Variants in EMSY observed in about 807,000 individuals in gnomAD.
EMSY encodes the protein EMSY transcriptional repressor, BRCA2 interacting.
EMSY carries 26 observed loss-of-function variants against 134.6 expected under a neutral mutation model. The ratio of observed to expected loss-of-function variants is 0.19; its 90% confidence interval spans 0.14 to 0.27. EMSY has a LOEUF of 0.27. Ranked by LOEUF, EMSY falls within the 10% of genes least tolerant of loss-of-function variation. The probability of loss-of-function intolerance (pLI) is 1.00; values close to 1 mark genes in which losing one functional copy is unlikely to be tolerated. For synonymous variants in EMSY, 579 were observed against 577.8 expected (o/e 1.00, Z -0.03); for missense variants, 1,305 against 1,611.4 (o/e 0.81, Z 3.26).
chr11:76,491,177 CTTT>C (rs61688457), intron 8 of EMSY, among the ~76,000 whole-genome samples: 7 of 129,908 alleles, frequency 5.4e-5, no homozygotes, highest in Non-Finnish European at 8.1e-5. Context: ...CTTCTTTTTT[CTTT>C]TTTTTTTTTT....
chr11:76,505,856 C>CAA (rs1297798671), intron 9 of EMSY, among the ~76,000 whole-genome samples: 6 of 135,812 alleles, frequency 4.4e-5, no homozygotes, highest in African/African-American at 1.6e-4. Flanking sequence ...GACTCTGTCT[C>CAA]AAAAAAAAAA....
chr11:76,461,654 G>A (rs758924082), intron 6 of EMSY, among the ~76,000 whole-genome samples: 11 of 152,206 alleles, frequency 7.2e-5, no homozygotes, highest in Admixed American at 1.3e-4. Context: ...GGCTGGAGCC[G>A]GGCTCAGTGG....
rs1951653557 is a variant in EMSY at position 76,546,396 on chromosome 11, C to T, written c.3774+99C>T. The T allele has an allele frequency of 1.7e-5, 25 of 1,434,364 alleles. No individual in the cohort carries two copies. The South Asian group carries it at 3.2e-4, about 18-fold the overall frequency. The allele number at this position is 1,434,364 out of a possible 1,614,324, so 88.9% of individuals were successfully genotyped here. A position where few individuals can be genotyped will look rare whatever the true frequency, so the allele number is the denominator to read the frequency against. ...TGTCACAGGAAGAATCAAGCCAAGA[C>T]AGCAGGAAGACATAGATATTATCTT... On this transcript the variant is annotated intron_variant, in intron 20 of 20. Coordinates refer to ENST00000334736, the Ensembl canonical transcript of EMSY.
chr11:76,552,710 G>A (rs187016719), downstream of EMSY: 19 of 152,154 alleles, frequency 1.2e-4, no homozygotes, highest in Admixed American at 7.2e-4. Context: ...AATGGTTTTA[G>A]TATATCCACA....
At chr11:76,537,869 A>G in exon 16 of EMSY, 1 of 1,613,528 alleles carries the variant, frequency 6.2e-7, no homozygotes. Context: ...TATTCAGATG[A>G]CCCAGGAAAA....
At chr11:76,525,307 C>T (rs1331354223) in intron 12 of EMSY, among the ~76,000 whole-genome samples, 1 of 152,166 alleles carries the variant, frequency 6.6e-6, no homozygotes, top group East Asian at 1.9e-4. Context: ...TTGGCAGATG[C>T]TTCATGTTTC....
intron 20 of EMSY, 51 bp downstream of exon 21, chr11:76,546,348 G>A (rs955611283): frequency 3.9e-6 from 6 of 1,554,958 alleles, no homozygotes; most frequent in Non-Finnish European, 4.3e-6. Context: ...GGGGTTGTGG[G>A]TTTGTTTGAT....
exon 21 of EMSY, chr11:76,550,321 C>A: frequency 2.3e-6 from 1 of 432,506 alleles, no homozygotes; most frequent in Non-Finnish European, 3.9e-6. Flanking sequence ...CAAGATAAAA[C>A]TCACAGGGGA....
At chr11:76,451,337 A>G (rs892989978) in intron 2 of EMSY, among the ~76,000 whole-genome samples, 1 of 152,206 alleles carries the variant, frequency 6.6e-6, no homozygotes, top group African/African-American at 2.4e-5. Context: ...GCTGAATGTC[A>G]CATAACTAAT....
At chr11:76,545,291 C>T (rs1350988647) in intron 19 of EMSY, among the ~76,000 whole-genome samples, 3 of 151,932 alleles carry the variant, frequency 2.0e-5, no homozygotes, top group Non-Finnish European at 4.4e-5. Context: ...TTCTAGATTA[C>T]AGAGGAATTA....
At chr11:76,453,114 C>T (rs1192783378) in intron 3 of EMSY, among the ~76,000 whole-genome samples, 200 bp from the exon 4 acceptor site, 1 of 152,178 alleles carries the variant, frequency 6.6e-6, no homozygotes, top group African/African-American at 2.4e-5. Context: ...AATATTTCTT[C>T]AGTTACACAG....
At chr11:76,483,641 CA>C (rs1037196983) in intron 8 of EMSY, among the ~76,000 whole-genome samples, 4 of 152,048 alleles carry the variant, frequency 2.6e-5, no homozygotes, top group African/African-American at 7.2e-5. Context: ...CAACAAAGAT[CA>C]AAGAAGACAA....
At chr11:76,505,222 G>C (rs531447672) in intron 9 of EMSY, among the ~76,000 whole-genome samples, 1 of 152,032 alleles carries the variant, frequency 6.6e-6, no homozygotes, top group African/African-American at 2.4e-5. Flanking sequence ...GGTGGCTCAT[G>C]CCTGTAATCC....
chr11:76,544,420 C>T (rs1160150485), exon 19 of EMSY: 1 of 1,614,158 alleles, frequency 6.2e-7, no homozygotes, highest in Admixed American at 1.7e-5. Flanking sequence ...TTAGCCAGCC[C>T]CCGCTGGAAC....
intron 14 of EMSY, among the ~76,000 whole-genome samples, chr11:76,529,369 T>A (rs1411410285): frequency 6.6e-6 from 1 of 152,198 alleles, no homozygotes; most frequent in East Asian, 1.9e-4. Flanking sequence ...AGTCTCCATA[T>A]TGTGCAAACA....
At chr11:76,446,036 G>GCT (rs1459707584) in intron 1 of EMSY, among the ~76,000 whole-genome samples, 3 of 152,062 alleles carry the variant, frequency 2.0e-5, no homozygotes, top group Non-Finnish European at 4.4e-5. Context: ...TGACTTCTAG[G>GCT]CTAGACAGTG....
At chr11:76,550,126 A>C in exon 21 of EMSY, 1 of 1,612,822 alleles carries the variant, frequency 6.2e-7, no homozygotes, top group Non-Finnish European at 8.5e-7. Context: ...CCCTTCTCAG[A>C]GCTCTGCTGA....
chr11:76,518,465 G>C (rs1334357752), intron 11 of EMSY, among the ~76,000 whole-genome samples: 3 of 151,390 alleles, frequency 2.0e-5, no homozygotes, highest in Non-Finnish European at 4.4e-5. Flanking sequence ...ACCATGCCTG[G>C]CTCTTTTCTT....
At chr11:76,458,215 C>G (rs2135017187) in exon 5 of EMSY, 1 of 1,613,928 alleles carries the variant, frequency 6.2e-7, no homozygotes, top group South Asian at 1.1e-5. Flanking sequence ...TCAGAATGGT[C>G]CATTGAAGGT....
Sources: allele counts gnomAD v4.1 joint callset (sites outside exome capture counted in the v4.1 genomes callset), GRCh38; gene constraint gnomAD v4.1.1; transcripts MANE v1.5; gene names NCBI Gene and HGNC (gene_info 2026-07-23, HGNC 2026-07-21).